Variants in PIR observed in about 807,000 individuals in gnomAD.
PIR encodes pirin (iron-binding nuclear protein).
In PIR, 22 loss-of-function variants were observed where a neutral mutation model predicts 24.2. That is an observed-to-expected ratio of 0.91 (90% CI 0.65 to 1.30). The LOEUF (loss-of-function observed/expected upper bound fraction) is 1.30, where lower values mean the gene tolerates loss of function less well. Among genes scored for constraint, PIR ranks in the 50% most tolerant of loss-of-function variants. The probability of loss-of-function intolerance (pLI) is 0.00; values close to 1 mark genes in which losing one functional copy is unlikely to be tolerated. For missense variants in PIR, 220 were observed against 220.3 expected (o/e 1.00, Z 0.01); for synonymous variants, 80 against 79.6 (o/e 1.00, Z -0.03).
chrX:15,392,870 C>T (rs1284124853), intron 8 of PIR, among the ~76,000 whole-genome samples: 8 of 112,309 alleles, frequency 7.1e-5, no homozygotes, highest in Non-Finnish European at 1.3e-4. Context: ...AACTTGCCTT[C>T]TTTGGTGAAA....
At chrX:15,438,318 C>A (rs958348419) in intron 5 of PIR, among the ~76,000 whole-genome samples, 1 of 112,198 alleles carries the variant, frequency 8.9e-6, no homozygotes, top group South Asian at 3.7e-4. Flanking sequence ...TCCTTTTGAA[C>A]GCTTCAACAT....
intron 3 of PIR, among the ~76,000 whole-genome samples, chrX:15,473,739 T>G (rs946589135): frequency 1.7e-4 from 19 of 111,331 alleles, no homozygotes; most frequent in Non-Finnish European, 2.6e-4. Context: ...GTATTTTTAG[T>G]GGAGACAAGG....
intron 6 of PIR, among the ~76,000 whole-genome samples, chrX:15,421,583 T>C (rs368830502): frequency 5.3e-4 from 58 of 108,952 alleles, no homozygotes; most frequent in African/African-American, 1.6e-3. Context: ...CCTACCAAGA[T>C]TGAACCATGA....
chrX:15,431,671 A>AC (rs144106667), intron 5 of PIR, among the ~76,000 whole-genome samples: 23,467 of 76,814 alleles, frequency 0.31, 3,524 homozygotes, highest in African/African-American at 0.41. Context: ...AAAAATAACC[A>AC]CCCCCCCCCC....
At chrX:15,482,485 G>A (rs978247920) in intron 2 of PIR, among the ~76,000 whole-genome samples, 3 of 105,501 alleles carry the variant, frequency 2.8e-5, no homozygotes, top group African/African-American at 1.0e-4. Flanking sequence ...TTGAATTGTC[G>A]AATGTCTTCT....
chrX:15,484,046 C>G (rs1043820756), intron 2 of PIR, among the ~76,000 whole-genome samples: 3 of 112,161 alleles, frequency 2.7e-5, no homozygotes, highest in Non-Finnish European at 5.6e-5. Flanking sequence ...AAGAGGTTCT[C>G]TCTTTTTAGT....
intron 2 of PIR, among the ~76,000 whole-genome samples, chrX:15,485,742 A>G (rs1250006306): frequency 8.9e-6 from 1 of 112,509 alleles, no homozygotes; most frequent in Non-Finnish European, 1.9e-5. Flanking sequence ...AGACTGTTGT[A>G]CTAAAGTGTT....
chrX:15,435,472 C>G (rs1384835835), intron 5 of PIR, among the ~76,000 whole-genome samples: 1 of 111,792 alleles, frequency 8.9e-6, no homozygotes, highest in Non-Finnish European at 1.9e-5. Context: ...CTCCTTCTAC[C>G]ACTTACAAGG....
intron 5 of PIR, among the ~76,000 whole-genome samples, chrX:15,439,849 G>T (rs138665289): frequency 1.2e-3 from 135 of 111,877 alleles, no homozygotes; most frequent in Non-Finnish European, 2.1e-3. Context: ...TTGAAGGATG[G>T]ACTCTAATGG....
At chrX:15,394,033 C>T (rs1340407406) in intron 8 of PIR, among the ~76,000 whole-genome samples, 2 of 111,000 alleles carry the variant, frequency 1.8e-5, no homozygotes, top group African/African-American at 6.6e-5. Context: ...GAAAAATTGT[C>T]TTCCAAGAAA....
rs377587674 is a variant in PIR at position 15,420,107 on chromosome X, G to A, written c.565+5799C>T. ...AGGTACTCGGGAGGCTGAGGCAGGA[G>A]AATCACTTGAACCTGGGAGGCAGAG... On this transcript the variant is annotated intron_variant, in intron 6 of 9. Transcript: ENST00000380420. 3.2e-3 allele frequency among the ~76,000 whole-genome samples: 354 copies of A among 109,951 alleles called. 4 individuals carry two copies. The highest frequency in any genetic ancestry group is 0.011 in the African/African-American group (340 of 30,147).
intron 3 of PIR, among the ~76,000 whole-genome samples, chrX:15,478,233 T>C (rs1922316474): frequency 9.0e-6 from 1 of 111,474 alleles, no homozygotes; most frequent in Non-Finnish European, 1.9e-5. Context: ...TCCCCAATTC[T>C]AATGCAAGAC....
At chrX:15,424,710 A>C (rs1170795813) in intron 6 of PIR, among the ~76,000 whole-genome samples, 1 of 112,435 alleles carries the variant, frequency 8.9e-6, no homozygotes, top group Non-Finnish European at 1.9e-5. Context: ...ATTATTTAAA[A>C]ATAGACCAGA....
At chrX:15,453,974 G>C (rs1475153709) in intron 5 of PIR, among the ~76,000 whole-genome samples, 1 of 111,496 alleles carries the variant, frequency 9.0e-6, no homozygotes, top group Admixed American at 9.5e-5. Flanking sequence ...TTCTGCTTTG[G>C]TTGAAGCAGA....
chrX:15,438,979 G>C (rs180719253), intron 5 of PIR, among the ~76,000 whole-genome samples: 2 of 111,622 alleles, frequency 1.8e-5, no homozygotes, highest in Non-Finnish European at 3.8e-5. Context: ...TGGAAGATGT[G>C]GGGCAACAGA....
intron 6 of PIR, among the ~76,000 whole-genome samples, chrX:15,412,713 G>A (rs1248807858): frequency 8.1e-5 from 9 of 111,702 alleles, no homozygotes; most frequent in African/African-American, 2.6e-4. Context: ...TGCCTGCCCC[G>A]CCTCCATATT....
chrX:15,407,653 CT>C (rs1341141390), intron 6 of PIR, 103 bp from the exon 7 acceptor site: 11 of 588,289 alleles, frequency 1.9e-5, no homozygotes, highest in Non-Finnish European at 2.6e-5. Context: ...AGACGAAATC[CT>C]TTTTTTCCCT....
intron 3 of PIR, among the ~76,000 whole-genome samples, chrX:15,477,311 G>GA (rs966729319): frequency 1.8e-5 from 2 of 111,134 alleles, no homozygotes; most frequent in African/African-American, 6.5e-5. Context: ...CATTTTTATA[G>GA]AAAAAATGTT....
chrX:15,407,029 T>G (rs1007699409), intron 7 of PIR, among the ~76,000 whole-genome samples: 2 of 112,147 alleles, frequency 1.8e-5, no homozygotes, highest in African/African-American at 6.5e-5. Flanking sequence ...CAAACATCTT[T>G]TCTTGATTAG....
Sources: gnomAD v4.1 joint callset for allele counts (sites outside exome capture counted in the v4.1 genomes callset) on GRCh38, gnomAD v4.1.1 for gene constraint, MANE v1.5 for transcripts, NCBI Gene and HGNC (gene_info 2026-07-23, HGNC 2026-07-21) for gene names.